Variants in AGMO observed in about 807,000 individuals in gnomAD.
AGMO encodes the protein alkylglycerol monooxygenase.
Under a neutral mutation model 60.2 loss-of-function variants are expected in AGMO, and 75 were observed. That is an observed-to-expected ratio of 1.25 (90% confidence interval 1.03 to 1.51). The LOEUF (loss-of-function observed/expected upper bound fraction) is 1.51, where lower values mean the gene tolerates loss of function less well. Ranked by LOEUF, AGMO falls within the 40% of genes most tolerant of loss-of-function variation. AGMO has a pLI of 0.00. For synonymous variants in AGMO, 261 were observed against 177.1 expected (o/e 1.47, Z -3.76); for missense variants, 763 against 525.5 (o/e 1.45, Z -4.42).
At chr7:15,331,746 G>A (rs1190785270) in intron 12 of AGMO, among the ~76,000 whole-genome samples, 1 of 152,038 alleles carries the variant, frequency 6.6e-6, no homozygotes. Context: ...GACCAATGTG[G>A]AGAAACCCCA....
chr7:15,380,312 G>A (rs1220800993), intron 10 of AGMO, among the ~76,000 whole-genome samples: 1 of 152,118 alleles, frequency 6.6e-6, no homozygotes, highest in Non-Finnish European at 1.5e-5. Context: ...CTTCAGCAAA[G>A]TCTCCGGATA....
chr7:15,309,152 G>A (rs1182974375), intron 12 of AGMO, among the ~76,000 whole-genome samples: 2 of 152,076 alleles, frequency 1.3e-5, no homozygotes, highest in Non-Finnish European at 2.9e-5. Context: ...GGCCTTTATA[G>A]GAAGACAAGC....
rs754211764 is a variant in AGMO, at chr7:15,322,903, T to A, written c.1263+42611A>T. ...AACTCTTTCTTGATACAGGAAAAAATATATATATACACATATATGTGTTTA... is the reference window on the plus strand; with the variant it reads ...AACTCTTTCTTGATACAGGAAAAAAAATATATATACACATATATGTGTTTA... On this transcript the variant is annotated intron_variant, in intron 12 of 12. Coordinates refer to ENST00000342526, the MANE Select transcript of AGMO (RefSeq NM_001004320.2). Among the ~76,000 whole-genome samples the A allele has an allele frequency of 8.3e-4, 121 of 146,028 alleles. 1 individual carries two copies. Among genetic ancestry groups the A allele is most frequent in the African/African-American group, 2.5e-3 (100 of 39,944 alleles).
the AGMO span, among the ~76,000 whole-genome samples, chr7:15,192,290 C>A: frequency 6.7e-6 from 1 of 148,944 alleles, no homozygotes; most frequent in Non-Finnish European, 1.5e-5. Context: ...CCCATAAAAA[C>A]CCCAAACCCC....
chr7:15,499,498 CTT>C (rs898284008), intron 3 of AGMO, among the ~76,000 whole-genome samples: 100 of 151,786 alleles, frequency 6.6e-4, no homozygotes, highest in Non-Finnish European at 1.1e-3. Flanking sequence ...ACAATACACA[CTT>C]TTTTGGAGAA....
Position 15,394,272 on chromosome 7 carries a change from G to A in AGMO, c.610-93C>T. 6 of 967,476 alleles carry A rather than the reference G, an allele frequency of 6.2e-6. No homozygotes were observed. The South Asian group carries it at 7.3e-5, about 12-fold the overall frequency. 59.9% of individuals were successfully genotyped at this position (967,476 alleles called of 1,614,324 possible). A position where few individuals can be genotyped will look rare whatever the true frequency, so the allele number is the denominator to read the frequency against. Reference sequence around the variant, plus strand: ...CACATTAGAAACTCACATAAATTAAGAGATATTGCGAATTTCAGGGTTGGT... The same window carrying A: ...CACATTAGAAACTCACATAAATTAAAAGATATTGCGAATTTCAGGGTTGGT... On this transcript the variant is annotated intron_variant, in intron 5 of 12. Coordinates refer to ENST00000342526, the MANE Select transcript of AGMO (RefSeq NM_001004320.2).
At chr7:15,532,598 A>T (rs563962869) in intron 3 of AGMO, among the ~76,000 whole-genome samples, 1 of 152,208 alleles carries the variant, frequency 6.6e-6, no homozygotes, top group Non-Finnish European at 1.5e-5. Context: ...ACTGACACAC[A>T]TATTTTGTTT....
rs534655197 is a variant in AGMO, at chr7:15,533,889, T to C, written c.409+10883A>G. On this transcript the variant is annotated intron_variant, in intron 3 of 12. Transcript: ENST00000342526. ...CAGTTCCAAAACACAGAGCTGGCAT[T>C]AAAAATTTGTTTTAAAAGATGATGT... 8.5e-5 allele frequency among the ~76,000 whole-genome samples: 13 copies of C among 152,220 alleles called. No individual in the cohort carries two copies. The South Asian group carries it at 2.5e-3, about 29-fold the overall frequency.
intron 12 of AGMO, among the ~76,000 whole-genome samples, chr7:15,238,791 T>C (rs1782502145): frequency 6.6e-6 from 1 of 152,036 alleles, no homozygotes; most frequent in African/African-American, 2.4e-5. Flanking sequence ...AATGCATCCC[T>C]TTTATGCAAT....
chr7:15,478,579 T>C (rs936485079), intron 3 of AGMO, among the ~76,000 whole-genome samples: 3 of 152,140 alleles, frequency 2.0e-5, no homozygotes, highest in African/African-American at 7.2e-5. Context: ...CATCAGATCT[T>C]GTCATTAGCA....
In AGMO at chr7:15,278,751, C is replaced by T. The variant is rs527893123; in HGVS notation, c.1264-77392G>A. Among the ~76,000 whole-genome samples the T allele has an allele frequency of 5.9e-5, 9 of 152,266 alleles. No individual in the cohort carries two copies. In the East Asian group the frequency reaches 9.7e-4, roughly 16 times the overall value. On this transcript the variant is annotated intron_variant, in intron 12 of 12. Transcript: ENST00000342526. ...CACTCCCTCCCTGGTCCAGGGCAGC[C>T]GGGGCAGTGGTGGCAGTGGTGGCAA... is the stretch of plus-strand genomic sequence containing the variant.
At chr7:15,551,954 A>C (rs969952209) in intron 2 of AGMO, among the ~76,000 whole-genome samples, 9 of 151,834 alleles carry the variant, frequency 5.9e-5, no homozygotes, top group African/African-American at 2.2e-4. Context: ...ACAGCATGGT[A>C]CTGGTACCAA....
chr7:15,503,945 G>C (rs1018905368), intron 3 of AGMO, among the ~76,000 whole-genome samples: 1 of 151,740 alleles, frequency 6.6e-6, no homozygotes, highest in Non-Finnish European at 1.5e-5. Context: ...TATTTTTCAG[G>C]TTACAAAGGG....
At chr7:15,188,700 G>T in the AGMO span, among the ~76,000 whole-genome samples, 5 of 151,938 alleles carry the variant, frequency 3.3e-5, no homozygotes, top group African/African-American at 1.2e-4. Context: ...ATCCCAAAAG[G>T]CTCATGAGTT....
At position 15,294,580 on chromosome 7, in the gene AGMO, A is replaced by G. The variant is rs111263931; in HGVS notation, c.1263+70934T>C. Reference sequence around the variant, plus strand: ...GTATTTTTAAAGGTCTTAAAATAATACTACAAAATATTTTCCTAAAAATGT... The same window carrying G: ...GTATTTTTAAAGGTCTTAAAATAATGCTACAAAATATTTTCCTAAAAATGT... On this transcript the variant is annotated intron_variant, in intron 12 of 12. Transcript: ENST00000342526. 1.3e-3 allele frequency among the ~76,000 whole-genome samples: 192 copies of G among 152,120 alleles called. 1 individual carries two copies. The highest frequency in any genetic ancestry group is 6.8e-3 in the Middle Eastern group (2 of 294).
At chr7:15,392,089 A>G (rs1784165769) in intron 6 of AGMO, among the ~76,000 whole-genome samples, 1 of 150,768 alleles carries the variant, frequency 6.6e-6, no homozygotes, top group East Asian at 2.0e-4. Flanking sequence ...TTTTTTTTTG[A>G]GATGGAGTCT....
At chr7:15,250,525 A>C (rs1782898626) in intron 12 of AGMO, among the ~76,000 whole-genome samples, 1 of 150,204 alleles carries the variant, frequency 6.7e-6, no homozygotes, top group Admixed American at 6.7e-5. Context: ...ATTGAGCCTA[A>C]ATGGAAATTG....
In AGMO at chr7:15,365,622, G is replaced by C. The variant is rs1782946490; in HGVS notation, c.1158-3C>G. 3.1e-6 allele frequency: 5 copies of C among 1,602,580 alleles called. No homozygotes were observed. Among genetic ancestry groups the C allele is most frequent in the Non-Finnish European group, 4.3e-6 (5 of 1,170,394 alleles). ...TTTCCATAATAGCTGCCTTGGGTCT[G>C]AAATAAAATGTCATTAACATGCATT... On this transcript the variant is annotated splice_region_variant and splice_polypyrimidine_tract_variant and intron_variant, in intron 11 of 12. Coordinates refer to ENST00000342526, the MANE Select transcript of AGMO (RefSeq NM_001004320.2).
intron 1 of AGMO, among the ~76,000 whole-genome samples, chr7:15,560,677 T>G (rs562592088): frequency 8.5e-5 from 13 of 152,300 alleles, no homozygotes; most frequent in South Asian, 6.2e-4. Context: ...ATAATTCTAA[T>G]TTTTCATATT....
Sources: gnomAD v4.1 joint callset for allele counts (sites outside exome capture counted in the v4.1 genomes callset) on GRCh38, gnomAD v4.1.1 for gene constraint, MANE v1.5 for transcripts, NCBI Gene and HGNC (gene_info 2026-07-23, HGNC 2026-07-21) for gene names.